FTO: variants seen among roughly 807,000 people sequenced by gnomAD.
The protein encoded by FTO is FTO alpha-ketoglutarate dependent dioxygenase.
Under a neutral mutation model 63.9 loss-of-function variants are expected in FTO, and 47 were observed. The ratio of observed to expected loss-of-function variants is 0.74; its 90% CI spans 0.58 to 0.94. The LOEUF (loss-of-function observed/expected upper bound fraction) is 0.94, where lower values mean the gene tolerates loss of function less well. Among genes scored for constraint, FTO ranks in the 40% least tolerant of loss-of-function variants. The probability of loss-of-function intolerance (pLI) is 0.00; values close to 1 mark genes in which losing one functional copy is unlikely to be tolerated. For missense variants in FTO, 562 were observed against 618.1 expected, an observed-to-expected ratio of 0.91 and a Z score of 0.96; for synonymous variants, 207 against 224.4, an observed-to-expected ratio of 0.92 and a Z score of 0.69.
intron 8 of FTO, among the ~76,000 whole-genome samples, chr16:53,938,429 C>G (rs1474076770): frequency 6.6e-6 from 1 of 152,224 alleles, no homozygotes; most frequent in Admixed American, 6.5e-5. Context: ...TTCTCATGAA[C>G]ATAGAGTCTT....
At chr16:53,948,941 G>A (rs74022308) in intron 8 of FTO, among the ~76,000 whole-genome samples, 20 of 152,240 alleles carry the variant, frequency 1.3e-4, no homozygotes, top group African/African-American at 4.3e-4. Flanking sequence ...ATTCCATGTA[G>A]GTTCTTGCGC....
intron 2 of FTO, among the ~76,000 whole-genome samples, chr16:53,820,903 G>T (rs1260468383): frequency 6.6e-6 from 1 of 152,094 alleles, no homozygotes; most frequent in African/African-American, 2.4e-5. Context: ...AGGACTGCAG[G>T]AATAGAAGCA....
At chr16:53,990,146 G>A (rs1037151896) in intron 8 of FTO, among the ~76,000 whole-genome samples, 7 of 152,060 alleles carry the variant, frequency 4.6e-5, no homozygotes, top group Admixed American at 1.3e-4. Flanking sequence ...GCAGGGGGTC[G>A]AGTGCCCCAA....
intron 7 of FTO, among the ~76,000 whole-genome samples, chr16:53,893,469 G>C (rs1343833457): frequency 6.6e-6 from 1 of 152,112 alleles, no homozygotes; most frequent in Non-Finnish European, 1.5e-5. Context: ...TGTGAGGTGG[G>C]CAAGTCTTGC....
At chr16:53,743,056 C>G (rs1034099716) in intron 1 of FTO, among the ~76,000 whole-genome samples, 2 of 152,156 alleles carry the variant, frequency 1.3e-5, no homozygotes. Flanking sequence ...GTAAGTGAAT[C>G]CAGGTATGTA....
At chr16:53,879,712 AAG>A in intron 5 of FTO, 130 bp from the exon 6 acceptor site, 2 of 800,342 alleles carry the variant, frequency 2.5e-6, no homozygotes, top group Non-Finnish European at 4.0e-6. Flanking sequence ...AAAAAAAAAA[AAG>A]GAGTATAGAC....
At chr16:53,928,464 A>G (rs925034265) in intron 7 of FTO, among the ~76,000 whole-genome samples, 2 of 152,216 alleles carry the variant, frequency 1.3e-5, no homozygotes, top group African/African-American at 4.8e-5. Flanking sequence ...AGCCGACACT[A>G]TTATAAGGAG....
chr16:54,085,483 A>C (rs569579384), intron 8 of FTO, among the ~76,000 whole-genome samples: 1 of 152,244 alleles, frequency 6.6e-6, no homozygotes, highest in African/African-American at 2.4e-5. Context: ...CCTCCTTCAC[A>C]TGCCCTCCAT....
chr16:53,724,359 G>A (rs1481728981), intron 1 of FTO, among the ~76,000 whole-genome samples: 1 of 152,184 alleles, frequency 6.6e-6, no homozygotes, highest in African/African-American at 2.4e-5. Flanking sequence ...AAAGGTGTTG[G>A]TCTACACCAG....
At chr16:53,760,621 CTTTTTTTTTTT>C (rs1169039527) in intron 1 of FTO, among the ~76,000 whole-genome samples, 12 of 112,038 alleles carry the variant, frequency 1.1e-4, no homozygotes, top group Non-Finnish European at 2.0e-4. Flanking sequence ...TGCTTGCTTT[CTTTTTTTTTTT>C]TTTTTTTTTC....
chr16:54,083,499 G>A (rs2086193927), intron 8 of FTO, among the ~76,000 whole-genome samples: 1 of 152,134 alleles, frequency 6.6e-6, no homozygotes, highest in Non-Finnish European at 1.5e-5. Context: ...TCATTTAATA[G>A]TCCTTGAAAT....
intron 6 of FTO, among the ~76,000 whole-genome samples, chr16:53,883,997 TCTTG>T (rs2080931562): frequency 6.6e-6 from 1 of 152,242 alleles, no homozygotes; most frequent in Non-Finnish European, 1.5e-5. Flanking sequence ...CCAGTTTCTT[TCTTG>T]CTTGCCTCTT....
intron 3 of FTO, among the ~76,000 whole-genome samples, chr16:53,830,404 A>G (rs1567337669): frequency 6.6e-6 from 1 of 152,246 alleles, no homozygotes; most frequent in Admixed American, 6.5e-5. Flanking sequence ...AATATGGTCC[A>G]GCACCTTGTT....
intron 1 of FTO, among the ~76,000 whole-genome samples, chr16:53,767,434 C>T (rs1001793766): frequency 6.6e-6 from 1 of 152,074 alleles, no homozygotes; most frequent in African/African-American, 2.4e-5. Flanking sequence ...AGCACACCAG[C>T]ATGGCACATG....
intron 4 of FTO, among the ~76,000 whole-genome samples, chr16:53,863,850 A>G (rs2080238724): frequency 6.6e-6 from 1 of 152,194 alleles, no homozygotes; most frequent in African/African-American, 2.4e-5. Flanking sequence ...AGAGACAATC[A>G]CCTGTCAGCC....
At chr16:53,979,881 G>A (rs2083504154) in intron 8 of FTO, among the ~76,000 whole-genome samples, 3 of 152,262 alleles carry the variant, frequency 2.0e-5, no homozygotes, top group African/African-American at 7.2e-5. Flanking sequence ...CCCTTCCAGA[G>A]GGCTGTTACT....
At chr16:53,990,816 C>T (rs1221314377) in intron 8 of FTO, among the ~76,000 whole-genome samples, 1 of 151,830 alleles carries the variant, frequency 6.6e-6, no homozygotes, top group Non-Finnish European at 1.5e-5. Context: ...TTCAGGTGCC[C>T]GCCACCACGC....
chr16:53,775,556 C>T (rs2077440118), intron 1 of FTO, among the ~76,000 whole-genome samples: 1 of 152,138 alleles, frequency 6.6e-6, no homozygotes, highest in Admixed American at 6.6e-5. Context: ...CTGTCCTTCT[C>T]AAAAGCTTTC....
rs149536185 is a variant in FTO at position 53,745,430 on chromosome 16, A to G, written c.45+41201A>G. ...AGCTTTTTAGCCCCAGAACGTTGCT[A>G]TGAAAGAGACTCTAACAGAAGAGGA... On this transcript the variant is annotated intron_variant, in intron 1 of 8. Transcript: ENST00000471389. Among the ~76,000 whole-genome samples the G allele has an allele frequency of 1.9e-3, 294 of 152,308 alleles. 2 individuals are homozygous for G. The highest frequency in any genetic ancestry group is 6.7e-3 in the African/African-American group (279 of 41,566).
Sources: gnomAD v4.1 joint callset for allele counts (sites outside exome capture counted in the v4.1 genomes callset) on GRCh38, gnomAD v4.1.1 for gene constraint, MANE v1.5 for transcripts, NCBI Gene and HGNC (gene_info 2026-07-23, HGNC 2026-07-21) for gene names.